The following EMB variants were observed in gnomAD, a reference collection of about 807,000 sequenced individuals.
EMB encodes the protein embigin.
In EMB, 31 loss-of-function variants were observed where a neutral mutation model predicts 41.4. The observed-to-expected ratio is 0.75, with a 90% CI of 0.56 to 1.01. EMB has a LOEUF of 1.01. Ranked by LOEUF, EMB falls within the 50% of genes least tolerant of loss-of-function variation. EMB has a pLI of 0.00. For synonymous variants in EMB, 137 were observed against 140.4 expected, an observed-to-expected ratio of 0.98 and a Z score of 0.17; for missense variants, 379 against 388.3, an observed-to-expected ratio of 0.98 and a Z score of 0.20.
At chr5:50,442,005 C>A (rs937384266), upstream of EMB, among the ~76,000 whole-genome samples, 3 of 152,232 alleles carry the variant, frequency 2.0e-5, no homozygotes, top group Non-Finnish European at 2.9e-5. Context: ...TGCTCTGAAC[C>A]AAATTAAATA....
chr5:50,440,100 A>G (rs1405019229), intron 1 of EMB, among the ~76,000 whole-genome samples: 1 of 152,194 alleles, frequency 6.6e-6, no homozygotes, highest in Non-Finnish European at 1.5e-5. Flanking sequence ...AATCTCACAC[A>G]TACACACACA....
upstream of EMB, among the ~76,000 whole-genome samples, chr5:50,442,569 G>C (rs1388562541): frequency 2.0e-5 from 3 of 152,080 alleles, no homozygotes; most frequent in African/African-American, 7.2e-5. Context: ...ACAAATCTCA[G>C]AAAAGCCTCT....
chr5:50,413,098 CA>C (rs1044186298), intron 2 of EMB, among the ~76,000 whole-genome samples: 1 of 151,838 alleles, frequency 6.6e-6, no homozygotes, highest in African/African-American at 2.4e-5. Context: ...AGGGAAAACA[CA>C]AAAAAACTAA....
At chr5:50,406,761 G>A in intron 4 of EMB, among the ~76,000 whole-genome samples, 1 of 151,976 alleles carries the variant, frequency 6.6e-6, no homozygotes, top group Non-Finnish European at 1.5e-5. Flanking sequence ...TTTTGTGTGT[G>A]TGTGCGCACA....
At chr5:50,431,314 ATT>A (rs897956276) in intron 1 of EMB, among the ~76,000 whole-genome samples, 5 of 152,176 alleles carry the variant, frequency 3.3e-5, no homozygotes, top group Non-Finnish European at 7.3e-5. Flanking sequence ...TTTAGGCAAG[ATT>A]TTTTTAACCA....
intron 2 of EMB, among the ~76,000 whole-genome samples, chr5:50,417,824 C>A (rs948741826): frequency 2.6e-5 from 4 of 152,138 alleles, no homozygotes; most frequent in African/African-American, 7.2e-5. Flanking sequence ...ATGGCTTCTA[C>A]ACAAATGAAG....
intron 1 of EMB, among the ~76,000 whole-genome samples, chr5:50,429,565 G>A (rs1192701911): frequency 6.6e-6 from 1 of 152,074 alleles, no homozygotes; most frequent in African/African-American, 2.4e-5. Flanking sequence ...TGTTCCAAAG[G>A]TTTAATCACT....
chr5:50,404,491 A>G (rs1487984593), intron 5 of EMB, among the ~76,000 whole-genome samples: 1 of 151,938 alleles, frequency 6.6e-6, no homozygotes, highest in Non-Finnish European at 1.5e-5. Context: ...TCACATCCTA[A>G]TAAGACTCAT....
intron 2 of EMB, among the ~76,000 whole-genome samples, chr5:50,427,582 C>T (rs1745641099): frequency 6.6e-6 from 1 of 151,866 alleles, no homozygotes; most frequent in African/African-American, 2.4e-5. Flanking sequence ...AACTTCGGCT[C>T]ACTGAAACCT....
intron 1 of EMB, among the ~76,000 whole-genome samples, chr5:50,437,681 C>T (rs1323853357): frequency 6.6e-6 from 1 of 152,084 alleles, no homozygotes; most frequent in Non-Finnish European, 1.5e-5. Context: ...CAATGTCAGA[C>T]ATATGTGGGT....
chr5:50,433,908 C>G (rs1351535553), intron 1 of EMB, among the ~76,000 whole-genome samples: 2 of 152,192 alleles, frequency 1.3e-5, no homozygotes, highest in Non-Finnish European at 2.9e-5. Context: ...CTTGGCATTC[C>G]TTGGCTGTTG....
intron 1 of EMB, among the ~76,000 whole-genome samples, chr5:50,430,216 C>T (rs1745694095): frequency 1.3e-5 from 2 of 152,118 alleles, no homozygotes; most frequent in Non-Finnish European, 2.9e-5. Flanking sequence ...GAGAAGGAAA[C>T]CGCTATTCTA....
At chr5:50,424,067 T>C (rs1561137925) in intron 2 of EMB, among the ~76,000 whole-genome samples, 1 of 152,180 alleles carries the variant, frequency 6.6e-6, no homozygotes, top group Non-Finnish European at 1.5e-5. Flanking sequence ...TTGTTTTTTA[T>C]ATTTTTGTAG....
At chr5:50,435,758 C>G (rs1308820649) in intron 1 of EMB, among the ~76,000 whole-genome samples, 2 of 152,104 alleles carry the variant, frequency 1.3e-5, no homozygotes, top group African/African-American at 4.8e-5. Context: ...TGTACCCCAT[C>G]AAAGTTTTCA....
intron 2 of EMB, among the ~76,000 whole-genome samples, chr5:50,420,826 C>A (rs1481112200): frequency 5.3e-5 from 8 of 152,262 alleles, no homozygotes; most frequent in Admixed American, 1.3e-4. Flanking sequence ...ACTGAAGGTT[C>A]AAGCATATTA....
rs1561143739 is a variant in EMB, at chr5:50,441,110, C to A, written c.42G>T (p.Thr14=). The A allele has an allele frequency of 2.0e-6, 3 of 1,516,538 alleles. No homozygotes were observed. The highest frequency in any genetic ancestry group is 2.6e-5 in the East Asian group (1 of 38,850). 93.9% of individuals were successfully genotyped at this position (1,516,538 alleles called of 1,614,324 possible). A position where few individuals can be genotyped will look rare whatever the true frequency, so the allele number is the denominator to read the frequency against. Residue 14 remains threonine, a synonymous_variant, in exon 1 of 9, where the codon ACG becomes ACT. Transcript: ENST00000303221. Reference sequence around the variant, plus strand: ...GGCACTGGAGGAGGAGCAGCCGGGGCGTACGCGCCCTGGCCTCCAGCAGGC... The same window carrying A: ...GGCACTGGAGGAGGAGCAGCCGGGGAGTACGCGCCCTGGCCTCCAGCAGGC... ...LPGLLEARAR[T]PRLLLLQCLL...
At chr5:50,416,290 G>GCT (rs1745430773) in intron 2 of EMB, among the ~76,000 whole-genome samples, 1 of 152,120 alleles carries the variant, frequency 6.6e-6, no homozygotes, top group African/African-American at 2.4e-5. Flanking sequence ...ATAACAATTT[G>GCT]TTGTTTTTGA....
intron 3 of EMB, 64 bp from the exon 4 acceptor site, chr5:50,411,029 C>T (rs1267478465): frequency 6.2e-6 from 8 of 1,298,330 alleles, no homozygotes; most frequent in Non-Finnish European, 8.5e-6. Context: ...AATGAAAAGA[C>T]TTAGCCATTA....
intron 2 of EMB, among the ~76,000 whole-genome samples, chr5:50,419,848 C>A (rs1266854118): frequency 6.6e-6 from 1 of 152,036 alleles, no homozygotes; most frequent in Non-Finnish European, 1.5e-5. Context: ...ACTATGCAGC[C>A]ACAAAAAGGA....
Sources: allele counts gnomAD v4.1 joint callset (sites outside exome capture counted in the v4.1 genomes callset), GRCh38; gene constraint gnomAD v4.1.1; transcripts MANE v1.5; gene names NCBI Gene and HGNC (gene_info 2026-07-23, HGNC 2026-07-21).